Variants in SPN observed in about 807,000 individuals in gnomAD.
SPN encodes sialophorin.
SPN carries 6 observed loss-of-function variants against 8.4 expected under a neutral mutation model. The ratio of observed to expected loss-of-function variants is 0.72; its 90% CI spans 0.39 to 1.42. The LOEUF (loss-of-function observed/expected upper bound fraction) is 1.42. Among genes scored for constraint, SPN ranks in the 40% most tolerant of loss-of-function variants. The pLI, the probability that SPN is intolerant of heterozygous loss-of-function variation, is 0.02. For missense variants in SPN, 517 were observed against 530.6 expected (o/e 0.97, Z 0.25); for synonymous variants, 201 against 222.6 (o/e 0.90, Z 0.86).
Position 29,663,912 on chromosome 16 carries a change from A to G in SPN, c.184A>G (p.Thr62Ala), listed in dbSNP as rs1966767727. Residue 62 changes from threonine to alanine, a missense_variant, in exon 2 of 2, where the codon ACC becomes GCC. Thr to Ala is a moderately conservative substitution (Grantham distance 58). Coordinates refer to ENST00000652691, the MANE Select transcript of SPN (RefSeq NM_003123.6). The surrounding 1 kb of genome is among the most constrained non-coding windows in gnomAD (Gnocchi z 4.3). Reference sequence around the variant, plus strand: ...TAAGGCCGACAGCACTGGGGACCAGACCTCAGCCCTACCTCCCTCAACTTC... The same window carrying G: ...TAAGGCCGACAGCACTGGGGACCAGGCCTCAGCCCTACCTCCCTCAACTTC... ...DPKADSTGDQTSALPPSTSIN... is the reference protein window; with the variant it reads ...DPKADSTGDQASALPPSTSIN... The G allele has an allele frequency of 6.2e-7, 1 of 1,613,994 alleles. No individual in the cohort carries two copies. The highest frequency in any genetic ancestry group is 2.2e-5 in the East Asian group (1 of 44,872).
rs1344785012 is a variant in SPN, at chr16:29,663,599, G to T, written c.-34-96G>T. 1 of 1,328,876 alleles carries T rather than the reference G, an allele frequency of 7.5e-7. No homozygotes were observed. Among genetic ancestry groups the T allele is most frequent in the Non-Finnish European group, 1.0e-6 (1 of 981,294 alleles). 82.3% of individuals were successfully genotyped at this position (1,328,876 alleles called of 1,614,324 possible). ...GAAAAAACCGTTAAACCGCAGGTTGGGCCTGGCCGTTGGCAGGGAAGTGGG... is the reference window on the plus strand; with the variant it reads ...GAAAAAACCGTTAAACCGCAGGTTGTGCCTGGCCGTTGGCAGGGAAGTGGG... On this transcript the variant is annotated intron_variant, in intron 1 of 1. Coordinates refer to ENST00000652691, the MANE Select transcript of SPN (RefSeq NM_003123.6). This position sits in a 1 kb window ranked among gnomAD's most constrained non-coding sequence, Gnocchi z 4.3.
Position 29,668,026 on chromosome 16 carries a change from A to G in SPN, c.*3095A>G, listed in dbSNP as rs1966838968. 6.0e-6 allele frequency: 1 copy of G among 167,010 alleles called. No individual in the cohort carries two copies. Among genetic ancestry groups the G allele is most frequent in the Non-Finnish European group, 1.5e-5 (1 of 68,082 alleles). 10.3% of individuals were successfully genotyped at this position (167,010 alleles called of 1,614,324 possible). On this transcript the variant is annotated 3_prime_UTR_variant, in exon 2 of 2. Transcript: ENST00000652691. Reference sequence around the variant, plus strand: ...TGTGTGCATGCATGTTCTCCCATGCATGTGTACTGTGGCAAGGGAGACTTT... The same window carrying G: ...TGTGTGCATGCATGTTCTCCCATGCGTGTGTACTGTGGCAAGGGAGACTTT...
In SPN at chr16:29,666,837, G is replaced by A; in HGVS notation, c.*1906G>A. The A allele has an allele frequency of 1.1e-5, 5 of 465,226 alleles. No homozygotes were observed. Among genetic ancestry groups the A allele is most frequent in the South Asian group, 7.9e-5 (5 of 63,608 alleles). 28.8% of individuals were successfully genotyped at this position (465,226 alleles called of 1,614,324 possible). ...TGAGACCAGCCCAGGCTACAGCCCAGGAGCACACATGGGCCAGGGCAGTTG... is the reference window on the plus strand; with the variant it reads ...TGAGACCAGCCCAGGCTACAGCCCAAGAGCACACATGGGCCAGGGCAGTTG... On this transcript the variant is annotated 3_prime_UTR_variant, in exon 2 of 2. Transcript: ENST00000652691.
Position 29,664,210 on chromosome 16 carries a change from C to T in SPN, c.482C>T (p.Ser161Phe), listed in dbSNP as rs764857384. 1.8e-5 allele frequency: 29 copies of T among 1,613,802 alleles called. No individual in the cohort carries two copies. The highest frequency in any genetic ancestry group is 2.5e-5 in the Non-Finnish European group (29 of 1,179,976). Residue 161 changes from serine (S) to phenylalanine (F), a missense_variant, in exon 2 of 2, where the codon TCC (serine) becomes TTC (phenylalanine). Ser to Phe is a radical substitution (Grantham distance 155). Coordinates refer to ENST00000652691, the MANE Select transcript of SPN (RefSeq NM_003123.6). The surrounding 1 kb of genome is among the most constrained non-coding windows in gnomAD (Gnocchi z 6.4). ...VTTAASSLETSRGTSGPPLTM... is the reference protein window; with the variant it reads ...VTTAASSLETFRGTSGPPLTM... ...ACGGCAGCTAGCTCTCTGGAGACCT[C>T]CAGAGGCACCTCTGGACCCCCTCTT...
Position 29,667,127 on chromosome 16 carries a change from T to C in SPN, c.*2196T>C, listed in dbSNP as rs116263910. On this transcript the variant is annotated 3_prime_UTR_variant, in exon 2 of 2. Transcript: ENST00000652691. ...GAGCTGAGCTCGGATGGAACCAGCT[T>C]CTACCAGCCAGGCTGGGCACCCACT... 3,141 of 433,610 alleles carry C rather than the reference T, an allele frequency of 7.2e-3. 106 individuals carry two copies. The highest frequency in any genetic ancestry group is 0.058 in the African/African-American group (2,878 of 49,248). The allele number at this position is 433,610 out of a possible 1,614,324, so 26.9% of individuals were successfully genotyped here. A position where few individuals can be genotyped will look rare whatever the true frequency, so the allele number is the denominator to read the frequency against.
chr16:29,664,718 C>T lies in SPN; in HGVS notation c.990C>T (p.Phe330=), dbSNP rs539616054. The change falls in exon 2 of 2, where the codon TTC becomes TTT. Residue 330 remains phenylalanine (F), a synonymous_variant. Coordinates refer to ENST00000652691, the MANE Select transcript of SPN (RefSeq NM_003123.6). This position sits in a 1 kb window ranked among gnomAD's most constrained non-coding sequence, Gnocchi z 6.4. ...CCGGGGGCGACAAGGGCTCTGGGTT[C>T]CCCGATGGGGAGGGGTCTAGCCGTC... ...GGSGGDKGSG[F]PDGEGSSRRP... 1.4e-6 allele frequency: 2 copies of T among 1,478,784 alleles called. No individual in the cohort carries two copies. Among genetic ancestry groups the T allele is most frequent in the African/African-American group, 2.8e-5 (2 of 70,758 alleles). The allele number at this position is 1,478,784 out of a possible 1,614,324, so 91.6% of individuals were successfully genotyped here.
At position 29,664,671 on chromosome 16, in the gene SPN, G is replaced by A. The variant is rs776734733; in HGVS notation, c.943G>A (p.Val315Met). 8.5e-5 allele frequency: 129 copies of A among 1,510,010 alleles called. No homozygotes were observed. Among genetic ancestry groups the A allele is most frequent in the East Asian group, 5.4e-4 (23 of 42,768 alleles). The allele number at this position is 1,510,010 out of a possible 1,614,324, so 93.5% of individuals were successfully genotyped here. ...AGCCCAGGTCCCTGAGGAGGGGGCC[G>A]TGACAGTGACCGTGGGAGGGTCCGG... is the stretch of plus-strand genomic sequence containing the variant. ...GPAQVPEEGA[V>M]TVTVGGSGGD... The change falls in exon 2 of 2, where the codon GTG becomes ATG. Residue 315 changes from valine (V) to methionine (M), a missense_variant. Coordinates refer to ENST00000652691, the MANE Select transcript of SPN (RefSeq NM_003123.6). This position sits in a 1 kb window ranked among gnomAD's most constrained non-coding sequence, Gnocchi z 6.4.
chr16:29,664,290 A>C lies in SPN; in HGVS notation c.562A>C (p.Thr188Pro). ...TSKGTSGPPV[T>P]MATDSLETST... The stretch of plus-strand genomic sequence containing the variant: ...CAAAGGCACCTCTGGACCCCCTGTT[A>C]CCATGGCAACTGACTCTCTGGAGAC... The change falls in exon 2 of 2, where the codon ACC becomes CCC. Residue 188 changes from threonine to proline, a missense_variant. Thr to Pro is a conservative substitution (Grantham distance 38, BLOSUM62 -1). Coordinates refer to ENST00000652691, the MANE Select transcript of SPN (RefSeq NM_003123.6). This position sits in a 1 kb window ranked among gnomAD's most constrained non-coding sequence, Gnocchi z 6.4. 1 of 1,613,924 alleles carries C rather than the reference A, an allele frequency of 6.2e-7. No homozygotes were observed. Among genetic ancestry groups the C allele is most frequent in the Non-Finnish European group, 8.5e-7 (1 of 1,179,932 alleles).
rs139174583 is a variant in SPN at position 29,666,552 on chromosome 16, A to ACACACACAAGCG, written c.*1622_*1623insACACACAAGCGC. 13 of 148,916 alleles carry ACACACACAAGCG rather than the reference A, an allele frequency of 8.7e-5. No individual in the cohort carries two copies. The highest frequency in any genetic ancestry group is 1.5e-4 in the Non-Finnish European group (11 of 73,810). 9.2% of individuals were successfully genotyped at this position (148,916 alleles called of 1,614,324 possible). A position where few individuals can be genotyped will look rare whatever the true frequency, so the allele number is the denominator to read the frequency against. On this transcript the variant is annotated 3_prime_UTR_variant, in exon 2 of 2. Coordinates refer to ENST00000652691, the MANE Select transcript of SPN (RefSeq NM_003123.6). ...CACACACACACACACACACACACACACGCGCGCGCGCGCGCGCTCTCCTGC... is the reference window on the plus strand; with the variant it reads ...CACACACACACACACACACACACACACACACACAAGCGCGCGCGCGCGCGCGCGCTCTCCTGC...
Position 29,670,869 on chromosome 16 carries a change from T to C in SPN, c.*5938T>C, listed in dbSNP as rs747787374. 34 of 450,948 alleles carry C rather than the reference T, an allele frequency of 7.5e-5. No individual in the cohort carries two copies. The highest frequency in any genetic ancestry group is 1.5e-4 in the Non-Finnish European group (34 of 224,198). 27.9% of individuals were successfully genotyped at this position (450,948 alleles called of 1,614,324 possible). A position where few individuals can be genotyped will look rare whatever the true frequency, so the allele number is the denominator to read the frequency against. On this transcript the variant is annotated 3_prime_UTR_variant, in exon 2 of 2. Transcript: ENST00000652691. ...ATAAATATCTGTTACTTTTACAATA[T>C]GAAAAAATAGTGGTCAAAAAGGTGT...
rs755398379 is a variant in SPN, at chr16:29,663,979, G to A, written c.251G>A (p.Ser84Asn). ...CCTCTTTGGACTTCCATTGGTGCCAGCACTGGTTCCCCTTTACCTGAGCCA... is the reference window on the plus strand; with the variant it reads ...CCTCTTTGGACTTCCATTGGTGCCAACACTGGTTCCCCTTTACCTGAGCCA... The part of the protein sequence containing the change: ...GSPLWTSIGA[S>N]TGSPLPEPTT... The change falls in exon 2 of 2, where the codon AGC becomes AAC. Residue 84 changes from serine to asparagine, a missense_variant. Physicochemically the swap from Ser to Asn is conservative, Grantham distance 46. Transcript: ENST00000652691. This position sits in a 1 kb window ranked among gnomAD's most constrained non-coding sequence, Gnocchi z 4.3. 1.2e-6 allele frequency: 2 copies of A among 1,614,118 alleles called. No homozygotes were observed. The highest frequency in any genetic ancestry group is 1.7e-5 in the Admixed American group (1 of 60,004).
Position 29,666,552 on chromosome 16 carries a change from A to ACACACATGCG in SPN, c.*1622_*1623insACACATGCGC, listed in dbSNP as rs139174583. On this transcript the variant is annotated 3_prime_UTR_variant, in exon 2 of 2. Coordinates refer to ENST00000652691, the MANE Select transcript of SPN (RefSeq NM_003123.6). The stretch of plus-strand genomic sequence containing the variant: ...CACACACACACACACACACACACAC[A>ACACACATGCG]CGCGCGCGCGCGCGCGCTCTCCTGC... 1 of 141,258 alleles carries ACACACATGCG rather than the reference A, an allele frequency of 7.1e-6. No individual in the cohort carries two copies. Among genetic ancestry groups the ACACACATGCG allele is most frequent in the Non-Finnish European group, 1.4e-5 (1 of 70,704 alleles). The allele number at this position is 141,258 out of a possible 1,614,324, so 8.8% of individuals were successfully genotyped here.
At position 29,668,090 on chromosome 16, in the gene SPN, T is replaced by C. The variant is rs890924599; in HGVS notation, c.*3159T>C. 2 of 167,086 alleles carry C rather than the reference T, an allele frequency of 1.2e-5. No homozygotes were observed. The highest frequency in any genetic ancestry group is 2.9e-5 in the Non-Finnish European group (2 of 68,124). The allele number at this position is 167,086 out of a possible 1,614,324, so 10.4% of individuals were successfully genotyped here. On this transcript the variant is annotated 3_prime_UTR_variant, in exon 2 of 2. Coordinates refer to ENST00000652691, the MANE Select transcript of SPN (RefSeq NM_003123.6). ...CAGTGGCTGAGCAGAAGGGCTCGCA[T>C]TGCCCTGGCGAAAGGTTGGAAGGCT...
chr16:29,666,518 TCTCTCTCACACACACA>T lies in SPN; in HGVS notation c.*1589_*1604del, dbSNP rs752514714. The T allele has an allele frequency of 1.4e-5, 2 of 139,558 alleles. No homozygotes were observed. The highest frequency in any genetic ancestry group is 6.7e-5 in the African/African-American group (2 of 29,796). The allele number at this position is 139,558 out of a possible 1,614,324, so 8.6% of individuals were successfully genotyped here. ...TGCATGTGCGCTCTCTCTCTCTCTC[TCTCTCTCACACACACA>T]CACACACACACACACACACGCGCGC... On this transcript the variant is annotated 3_prime_UTR_variant, in exon 2 of 2. Coordinates refer to ENST00000652691, the MANE Select transcript of SPN (RefSeq NM_003123.6).
chr16:29,663,844 C>A lies in SPN; in HGVS notation c.116C>A (p.Pro39His). The A allele has an allele frequency of 6.2e-7, 1 of 1,614,100 alleles. No homozygotes were observed. Among genetic ancestry groups the A allele is most frequent in the African/African-American group, 1.3e-5 (1 of 75,018 alleles). Reference protein sequence around the residue: ...SGEPLVSTSEPLSSKMYTTSI... With the variant: ...SGEPLVSTSEHLSSKMYTTSI... ...GAGCCTTTGGTCTCTACTAGCGAGC[C>A]CCTGAGCTCAAAGATGTACACCACT... Residue 39 changes from proline (P) to histidine (H), a missense_variant, in exon 2 of 2, where the codon CCC (proline) becomes CAC (histidine). Physicochemically the swap from Pro to His is moderately conservative, Grantham distance 77. Coordinates refer to ENST00000652691, the MANE Select transcript of SPN (RefSeq NM_003123.6). The surrounding 1 kb of genome is among the most constrained non-coding windows in gnomAD (Gnocchi z 4.3).
chr16:29,664,409 A>G lies in SPN; in HGVS notation c.681A>G (p.Lys227=), dbSNP rs776968049. 2.5e-6 allele frequency: 4 copies of G among 1,613,972 alleles called. No homozygotes were observed. In the South Asian group the frequency reaches 4.4e-5, roughly 18 times the overall value. The change falls in exon 2 of 2, where the codon AAA becomes AAG. Residue 227 remains lysine, a synonymous_variant. Coordinates refer to ENST00000652691, the MANE Select transcript of SPN (RefSeq NM_003123.6). The surrounding 1 kb of genome is among the most constrained non-coding windows in gnomAD (Gnocchi z 6.4). ...GASGPQVSSV[K]LSTMMSPTTS... is the part of the protein sequence containing the mutation. ...GTGGACCCCAGGTCTCTAGCGTAAA[A>G]CTATCTACAATGATGTCTCCAACGA...
At position 29,670,391 on chromosome 16, in the gene SPN, A is replaced by G. The variant is rs953644021; in HGVS notation, c.*5460A>G. On this transcript the variant is annotated 3_prime_UTR_variant, in exon 2 of 2. Coordinates refer to ENST00000652691, the MANE Select transcript of SPN (RefSeq NM_003123.6). ...GTAATCCCAGCTACTTGGGGGTCTG[A>G]GGCAGAAGAATTGCTTGAAACCGGG... 1 of 158,550 alleles carries G rather than the reference A, an allele frequency of 6.3e-6. No homozygotes were observed. Among genetic ancestry groups the G allele is most frequent in the Non-Finnish European group, 1.4e-5 (1 of 72,658 alleles). The allele number at this position is 158,550 out of a possible 1,614,324, so 9.8% of individuals were successfully genotyped here.
rs1966839483 is a variant in SPN at position 29,668,288 on chromosome 16, C to T, written c.*3357C>T. ...CCGGCTGGTCTCAAACTCCCGGGCA[C>T]AAGAGATCCACCTGCCTCAGCCTCC... On this transcript the variant is annotated 3_prime_UTR_variant, in exon 2 of 2. Transcript: ENST00000652691. The T allele has an allele frequency of 2.0e-5, 3 of 153,668 alleles. No homozygotes were observed. Among genetic ancestry groups the T allele is most frequent in the Non-Finnish European group, 2.9e-5 (2 of 68,056 alleles). The allele number at this position is 153,668 out of a possible 1,614,324, so 9.5% of individuals were successfully genotyped here. A position where few individuals can be genotyped will look rare whatever the true frequency, so the allele number is the denominator to read the frequency against.
Position 29,664,611 on chromosome 16 carries a change from A to C in SPN, c.883A>C (p.Lys295Gln), listed in dbSNP as rs1966782930. ...GGCCCTCGTGCTGAGCAGAGGCGGC[A>C]AGCGTAACGGGGTGGTGGACGCCTG... ...TGALVLSRGG[K>Q]RNGVVDAWAG... The change falls in exon 2 of 2, where the codon AAG (lysine) becomes CAG (glutamine). Residue 295 changes from lysine to glutamine, a missense_variant. Physicochemically the swap from Lys to Gln is moderately conservative, Grantham distance 53. Coordinates refer to ENST00000652691, the MANE Select transcript of SPN (RefSeq NM_003123.6). This position sits in a 1 kb window ranked among gnomAD's most constrained non-coding sequence, Gnocchi z 6.4. 7.5e-6 allele frequency: 12 copies of C among 1,601,256 alleles called. No homozygotes were observed. The highest frequency in any genetic ancestry group is 1.0e-5 in the Non-Finnish European group (12 of 1,174,098).
Sources: gnomAD v4.1 joint callset for allele counts on GRCh38, gnomAD v4.1.1 for gene constraint, Gnocchi (gnomAD v3.1) non-coding constraint, MANE v1.5 for transcripts, NCBI Gene and HGNC (gene_info 2026-07-23, HGNC 2026-07-21) for gene names.